The following CREB5 variants were observed in gnomAD, a reference collection of about 807,000 sequenced individuals.
The protein encoded by CREB5 is cyclic AMP-responsive element-binding protein 5.
In CREB5, 19 loss-of-function variants were observed where a neutral mutation model predicts 57.1. The observed-to-expected ratio is 0.33, with a 90% CI of 0.23 to 0.49. CREB5 has a LOEUF of 0.49. Ranked by LOEUF, CREB5 falls within the 20% of genes least tolerant of loss-of-function variation. The pLI, the probability that CREB5 is intolerant of heterozygous loss-of-function variation, is 0.99. For synonymous variants in CREB5, 238 were observed against 238.3 expected (o/e 1.00, Z 0.01); for missense variants, 579 against 671.6 (o/e 0.86, Z 1.52).
chr7:28,564,412 A>G (rs1795401505), intron 4 of CREB5, among the ~76,000 whole-genome samples: 1 of 152,160 alleles, frequency 6.6e-6, no homozygotes, highest in African/African-American at 2.4e-5. Flanking sequence ...CCCTGAAATT[A>G]TAGTTATTTT....
At chr7:28,469,175 T>C (rs544794613) in intron 1 of CREB5, among the ~76,000 whole-genome samples, 3 of 152,202 alleles carry the variant, frequency 2.0e-5, no homozygotes, top group Non-Finnish European at 4.4e-5. Flanking sequence ...GAGCCGTGAT[T>C]GCACCACTGA....
chr7:28,519,953 C>A lies in CREB5; in HGVS notation c.291+12216C>A, dbSNP rs376312846. On this transcript the variant is annotated intron_variant, in intron 4 of 10. Transcript: ENST00000357727. ...GCTCACATATGTGCATTAAACCAAA[C>A]TGAAAATGGACAAGAACTCATAAAG... Among the ~76,000 whole-genome samples the A allele has an allele frequency of 2.9e-3, 437 of 152,234 alleles. 1 individual carries two copies. Among genetic ancestry groups the A allele is most frequent in the Non-Finnish European group, 4.8e-3 (326 of 68,024 alleles).
intron 1 of CREB5, among the ~76,000 whole-genome samples, chr7:28,461,791 G>A (rs994907200): frequency 6.6e-6 from 1 of 152,098 alleles, no homozygotes; most frequent in African/African-American, 2.4e-5. Context: ...TTTTGTTTCA[G>A]AAGATATGTA....
intron 1 of CREB5, among the ~76,000 whole-genome samples, chr7:28,333,088 A>G (rs1445463192): frequency 2.0e-5 from 3 of 152,200 alleles, no homozygotes; most frequent in Non-Finnish European, 4.4e-5. Flanking sequence ...AAACCCCTAC[A>G]TCTTTTAACC....
chr7:28,418,201 T>C (rs1360889005), intron 1 of CREB5, among the ~76,000 whole-genome samples: 1 of 152,212 alleles, frequency 6.6e-6, no homozygotes, highest in Non-Finnish European at 1.5e-5. Context: ...AAGATGTTAG[T>C]TATAACCTCC....
intron 4 of CREB5, among the ~76,000 whole-genome samples, chr7:28,560,164 T>C (rs560048453): frequency 4.6e-5 from 7 of 152,342 alleles, no homozygotes; most frequent in Non-Finnish European, 8.8e-5. Context: ...GAAAATGTCA[T>C]TGATTGATCA....
At chr7:28,486,683 T>C (rs550624572) in intron 1 of CREB5, among the ~76,000 whole-genome samples, 2 of 134,812 alleles carry the variant, frequency 1.5e-5, no homozygotes, top group East Asian at 4.3e-4. Context: ...TATATATATA[T>C]ATATATATAT....
intron 1 of CREB5, among the ~76,000 whole-genome samples, chr7:28,388,350 C>T (rs1787152055): frequency 6.6e-6 from 1 of 152,144 alleles, no homozygotes; most frequent in Admixed American, 6.5e-5. Context: ...TTGCACCCTT[C>T]ATTATTTTGG....
chr7:28,495,956 G>T (rs777072250), intron 3 of CREB5, among the ~76,000 whole-genome samples: 1 of 151,096 alleles, frequency 6.6e-6, no homozygotes, highest in Non-Finnish European at 1.5e-5. Context: ...ATTTTGAGAG[G>T]TAGTACGGCA....
intron 4 of CREB5, among the ~76,000 whole-genome samples, chr7:28,561,326 G>T (rs1583632787): frequency 6.6e-6 from 1 of 152,184 alleles, no homozygotes; most frequent in Non-Finnish European, 1.5e-5. Context: ...ATATATACCA[G>T]TGTGTTCTAA....
At chr7:28,586,545 C>G (rs1201436406) in intron 5 of CREB5, among the ~76,000 whole-genome samples, 1 of 152,134 alleles carries the variant, frequency 6.6e-6, no homozygotes, top group Non-Finnish European at 1.5e-5. Context: ...TCTTTTGGAG[C>G]TTTCTCACAT....
intron 5 of CREB5, among the ~76,000 whole-genome samples, chr7:28,696,786 A>G (rs1010257869): frequency 1.4e-5 from 2 of 147,880 alleles, no homozygotes; most frequent in African/African-American, 5.3e-5. Flanking sequence ...ATATACACAT[A>G]CGTATACGTA....
intron 7 of CREB5, among the ~76,000 whole-genome samples, chr7:28,731,919 T>C (rs1478654778): frequency 6.6e-6 from 1 of 152,194 alleles, no homozygotes; most frequent in East Asian, 1.9e-4. Context: ...TACGAATACA[T>C]GCTGAGGATT....
chr7:28,744,488 C>T (rs531211906), intron 7 of CREB5, among the ~76,000 whole-genome samples: 2 of 151,840 alleles, frequency 1.3e-5, no homozygotes, highest in African/African-American at 2.4e-5. Flanking sequence ...GCTGGGATTA[C>T]AGGTACACAC....
At chr7:28,407,327 A>G (rs990803978) in intron 1 of CREB5, among the ~76,000 whole-genome samples, 1 of 152,188 alleles carries the variant, frequency 6.6e-6, no homozygotes, top group Non-Finnish European at 1.5e-5. Context: ...CTGGGATTAC[A>G]GGTGTGAACC....
At chr7:28,695,198 G>A (rs1279626356) in intron 5 of CREB5, among the ~76,000 whole-genome samples, 2 of 152,188 alleles carry the variant, frequency 1.3e-5, no homozygotes, top group Non-Finnish European at 2.9e-5. Context: ...TTGCACTACA[G>A]CCTGGGCCAC....
At chr7:28,387,133 G>A (rs1021621218) in intron 1 of CREB5, among the ~76,000 whole-genome samples, 1 of 152,154 alleles carries the variant, frequency 6.6e-6, no homozygotes, top group African/African-American at 2.4e-5. Flanking sequence ...TCTACCTCTA[G>A]GTCTTTGAGG....
intron 7 of CREB5, among the ~76,000 whole-genome samples, chr7:28,749,794 G>T (rs1054487227): frequency 6.6e-6 from 1 of 152,062 alleles, no homozygotes; most frequent in South Asian, 2.1e-4. Context: ...ACATCAGTAC[G>T]AATAGAAGAA....
chr7:28,579,451 TC>T (rs998740903), intron 5 of CREB5, among the ~76,000 whole-genome samples: 15 of 152,106 alleles, frequency 9.9e-5, no homozygotes, highest in African/African-American at 3.6e-4. Context: ...TTTATAGTTT[TC>T]CCCCCTTTGG....
Sources: gnomAD v4.1 joint callset for allele counts (sites outside exome capture counted in the v4.1 genomes callset) on GRCh38, gnomAD v4.1.1 for gene constraint, MANE v1.5 for transcripts, NCBI Gene and HGNC (gene_info 2026-07-23, HGNC 2026-07-21) for gene names.